The following GPRC5C variants were observed in gnomAD, a reference collection of about 807,000 sequenced individuals.
The protein encoded by GPRC5C is G protein-coupled receptor class C group 5 member C, also known as G protein-coupled receptor family C group 5 member C.
In GPRC5C, 22 loss-of-function variants were observed where a neutral mutation model predicts 31.4. The observed-to-expected ratio is 0.70, with a 90% CI of 0.50 to 1.00. The LOEUF (loss-of-function observed/expected upper bound fraction) is 1.00, where lower values mean the gene tolerates loss of function less well. GPRC5C is among the 50% of genes least tolerant of loss of function. The pLI is 0.00. For missense variants in GPRC5C, 557 were observed against 597.2 expected, an observed-to-expected ratio of 0.93 and a Z score of 0.70; for synonymous variants, 249 against 257.5, an observed-to-expected ratio of 0.97 and a Z score of 0.32.
At chr17:74,432,890 A>C (rs2055376433) in intron 1 of GPRC5C, among the ~76,000 whole-genome samples, 1 of 151,452 alleles carries the variant, frequency 6.6e-6, no homozygotes. Flanking sequence ...AAAATGGGAG[A>C]GAGTGACTGG....
chr17:74,437,629 A>AT (rs57390968), intron 1 of GPRC5C, among the ~76,000 whole-genome samples: 2,947 of 129,846 alleles, frequency 0.023, 151 homozygotes, highest in African/African-American at 0.082. Flanking sequence ...TATGGACAGA[A>AT]TTTTTTTTTT....
At chr17:74,435,821 G>T (rs978693048) in intron 1 of GPRC5C, among the ~76,000 whole-genome samples, 1 of 152,192 alleles carries the variant, frequency 6.6e-6, no homozygotes, top group African/African-American at 2.4e-5. Context: ...TTGGTCCCTG[G>T]CTTGGTTTTC....
At chr17:74,443,414 C>T (rs2055574103) in intron 2 of GPRC5C, 9 of 359,440 alleles carry the variant, frequency 2.5e-5, no homozygotes, top group South Asian at 2.0e-4. Flanking sequence ...GCAGCTGGCC[C>T]GTGGTGACAG....
At chr17:74,446,821 C>A in intron 3 of GPRC5C, 28 bp from the exon 4 acceptor site, 2 of 1,568,400 alleles carry the variant, frequency 1.3e-6, no homozygotes, top group Non-Finnish European at 1.8e-6. Flanking sequence ...CAATCCCCGA[C>A]TGTGAGACCG....
At chr17:74,436,118 T>A (rs2144407568) in intron 1 of GPRC5C, among the ~76,000 whole-genome samples, 1 of 152,336 alleles carries the variant, frequency 6.6e-6, no homozygotes, top group East Asian at 1.9e-4. Flanking sequence ...GCCTTTAGGA[T>A]AATGCCCCCA....
rs905255316 is a variant in GPRC5C, at chr17:74,447,265, C to T, written c.*237C>T. ...CAGCCTCCTGCCAGGATCACCTCGGCGGTCACACTCCAGCCAAATAGTGTT... is the reference window on the plus strand; with the variant it reads ...CAGCCTCCTGCCAGGATCACCTCGGTGGTCACACTCCAGCCAAATAGTGTT... On this transcript the variant is annotated 3_prime_UTR_variant, in exon 4 of 4. Transcript: ENST00000392627. 3.9e-6 allele frequency: 5 copies of T among 1,281,900 alleles called. No homozygotes were observed. Among genetic ancestry groups the T allele is most frequent in the Admixed American group, 3.7e-5 (1 of 26,670 alleles). The allele number at this position is 1,281,900 out of a possible 1,614,324, so 79.4% of individuals were successfully genotyped here.
chr17:74,441,170 G>A (rs1046962212), intron 2 of GPRC5C, among the ~76,000 whole-genome samples: 4 of 152,000 alleles, frequency 2.6e-5, no homozygotes, highest in Non-Finnish European at 5.9e-5. Flanking sequence ...TCAGCTACTC[G>A]GGAGGCTGAG....
In GPRC5C at chr17:74,432,094, T is replaced by G; in HGVS notation, c.-80T>G. On this transcript the variant is annotated 5_prime_UTR_variant, in exon 1 of 4. Coordinates refer to ENST00000392627, the MANE Select transcript of GPRC5C (RefSeq NM_022036.4). Reference sequence around the variant, plus strand: ...CCCACACGCCGGCAGGGCCAGAAACTCCCATCTCCCTCACCAGCCGGAAAG... The same window carrying G: ...CCCACACGCCGGCAGGGCCAGAAACGCCCATCTCCCTCACCAGCCGGAAAG... 1 of 1,613,092 alleles carries G rather than the reference T, an allele frequency of 6.2e-7. No homozygotes were observed. Among genetic ancestry groups the G allele is most frequent in the Non-Finnish European group, 8.5e-7 (1 of 1,179,780 alleles).
In GPRC5C at chr17:74,433,740, G is replaced by A. The variant is rs752276422; in HGVS notation, c.-33+1599G>A. The A allele has an allele frequency of 5.0e-6, 8 of 1,613,474 alleles. No homozygotes were observed. In the Admixed American group the frequency reaches 1.3e-4, roughly 27 times the overall value. On this transcript the variant is annotated intron_variant, in intron 1 of 3. Coordinates refer to ENST00000392627, the MANE Select transcript of GPRC5C (RefSeq NM_022036.4). ...GTGCCCTGGTCACAGCACCCTTGAA[G>A]ACAGCCATTGGCCATGGGTCAGTGT...
chr17:74,436,567 T>C (rs1303123190), intron 1 of GPRC5C, among the ~76,000 whole-genome samples: 1 of 152,236 alleles, frequency 6.6e-6, no homozygotes, highest in African/African-American at 2.4e-5. Flanking sequence ...TGATAGATTT[T>C]AAATGCCATC....
chr17:74,441,401 C>T (rs1475690781), intron 2 of GPRC5C, among the ~76,000 whole-genome samples: 5 of 152,278 alleles, frequency 3.3e-5, no homozygotes, highest in South Asian at 4.1e-4. Context: ...CAGTCCTACC[C>T]GTCCCATCCT....
chr17:74,439,045 T>G (rs1030847885), intron 1 of GPRC5C, among the ~76,000 whole-genome samples: 2 of 152,258 alleles, frequency 1.3e-5, no homozygotes, highest in African/African-American at 4.8e-5. Flanking sequence ...ACTTTTAAAA[T>G]GTTAATGCTC....
At position 74,447,094 on chromosome 17, in the gene GPRC5C, G is replaced by A. The variant is rs988780001; in HGVS notation, c.*66G>A. 2 of 1,551,514 alleles carry A rather than the reference G, an allele frequency of 1.3e-6. No individual in the cohort carries two copies. The highest frequency in any genetic ancestry group is 1.4e-5 in the African/African-American group (1 of 73,308). ...CCCTGAGGACCTGGCCCCGGGCAAGGGACTCTCCAGGCTCCTCCTCCCCCT... is the reference window on the plus strand; with the variant it reads ...CCCTGAGGACCTGGCCCCGGGCAAGAGACTCTCCAGGCTCCTCCTCCCCCT... On this transcript the variant is annotated 3_prime_UTR_variant, in exon 4 of 4. Transcript: ENST00000392627.
chr17:74,448,445 T>A (rs1020650417), downstream of GPRC5C, among the ~76,000 whole-genome samples: 5 of 152,172 alleles, frequency 3.3e-5, no homozygotes, highest in African/African-American at 1.2e-4. Flanking sequence ...TGGCACAATC[T>A]CGGCTCACTG....
chr17:74,448,839 A>G, downstream of GPRC5C: 2 of 1,288,074 alleles, frequency 1.6e-6, no homozygotes, highest in Non-Finnish European at 2.0e-6. Context: ...GAACTGACCC[A>G]GAGAGGCCAG....
rs199581365 is a variant in GPRC5C at position 74,440,463 on chromosome 17, C to T, written c.687C>T (p.Pro229=). ...TGGGTGCCTTCCTGGGGGCCTGGCC[C>T]GCCCTGTGTGGCCGCTACAAGCGCT... ...LLLGAFLGAW[P]ALCGRYKRWR... is the part of the protein sequence containing the mutation. Residue 229 remains proline, a synonymous_variant, in exon 2 of 4, where the codon CCC becomes CCT. Transcript: ENST00000392627. The surrounding 1 kb of genome is among the most constrained non-coding windows in gnomAD (Gnocchi z 4.4). The T allele has an allele frequency of 1.3e-5, 21 of 1,614,112 alleles. No individual in the cohort carries two copies. The highest frequency in any genetic ancestry group is 1.2e-4 in the Admixed American group (7 of 60,034).
chr17:74,432,101 T>A lies in GPRC5C; in HGVS notation c.-73T>A. Reference sequence around the variant, plus strand: ...GCCGGCAGGGCCAGAAACTCCCATCTCCCTCACCAGCCGGAAAGTACGAGT... The same window carrying A: ...GCCGGCAGGGCCAGAAACTCCCATCACCCTCACCAGCCGGAAAGTACGAGT... On this transcript the variant is annotated 5_prime_UTR_variant, in exon 1 of 4. Transcript: ENST00000392627. 1 of 1,613,080 alleles carries A rather than the reference T, an allele frequency of 6.2e-7. No individual in the cohort carries two copies. Among genetic ancestry groups the A allele is most frequent in the Non-Finnish European group, 8.5e-7 (1 of 1,179,770 alleles).
chr17:74,444,090 T>C (rs1026023745), intron 3 of GPRC5C, among the ~76,000 whole-genome samples, 178 bp downstream of exon 3: 2 of 152,212 alleles, frequency 1.3e-5, no homozygotes, highest in Non-Finnish European at 2.9e-5. Context: ...CTTAAATTCC[T>C]TGTCCTGGAG....
chr17:74,440,637 TGCCTGG>T lies in GPRC5C; in HGVS notation c.866_871del (p.Trp289_Ala290del). The T allele has an allele frequency of 6.2e-7, 1 of 1,607,658 alleles. No homozygotes were observed. Among genetic ancestry groups the T allele is most frequent in the Admixed American group, 1.7e-5 (1 of 59,902 alleles). On this transcript the variant is annotated inframe_deletion, in exon 2 of 4. Transcript: ENST00000392627. The surrounding 1 kb of genome is among the most constrained non-coding windows in gnomAD (Gnocchi z 4.4). ...CGCTGGCCATCGCCCTCGCCGCCAA[TGCCTGG>T]GCCTTCGTCCTCTTCTACGTCATCC...
Sources: allele counts gnomAD v4.1 joint callset (sites outside exome capture counted in the v4.1 genomes callset), GRCh38; gene constraint gnomAD v4.1.1; non-coding constraint Gnocchi (gnomAD v3.1); transcripts MANE v1.5; gene names NCBI Gene and HGNC (gene_info 2026-07-23, HGNC 2026-07-21).